Variants in FILIP1L observed in about 807,000 individuals in gnomAD.
FILIP1L encodes filamin A interacting protein 1 like.
A neutral mutation model predicts 96.6 loss-of-function variants in FILIP1L; 55 were observed. The observed-to-expected ratio is 0.57, with a 90% CI of 0.46 to 0.71. FILIP1L has a LOEUF of 0.71. Ranked by LOEUF, FILIP1L falls within the 30% of genes least tolerant of loss-of-function variation. The pLI is 0.00. For missense variants in FILIP1L, 1,304 were observed against 1,321.2 expected (o/e 0.99, Z 0.20); for synonymous variants, 467 against 473.9 (o/e 0.99, Z 0.19).
chr3:99,914,028 A>G (rs1318066033), intron 4 of FILIP1L, among the ~76,000 whole-genome samples: 1 of 152,238 alleles, frequency 6.6e-6, no homozygotes, highest in Admixed American at 6.5e-5. Flanking sequence ...GGAAACTGAT[A>G]AAGAATTCTC....
At chr3:99,920,965 A>G (rs951793058) in intron 4 of FILIP1L, among the ~76,000 whole-genome samples, 2 of 152,184 alleles carry the variant, frequency 1.3e-5, no homozygotes, top group Non-Finnish European at 2.9e-5. Flanking sequence ...TCAGAGTTTC[A>G]ACCAGATACC....
At chr3:99,899,036 A>G (rs181253839) in intron 4 of FILIP1L, among the ~76,000 whole-genome samples, 3 of 152,300 alleles carry the variant, frequency 2.0e-5, no homozygotes, top group Non-Finnish European at 1.5e-5. Context: ...TGAAAAAAAA[A>G]TGTGGTTATT....
intron 4 of FILIP1L, among the ~76,000 whole-genome samples, chr3:99,899,253 A>G (rs1162082522): frequency 6.6e-6 from 1 of 152,224 alleles, no homozygotes; most frequent in Non-Finnish European, 1.5e-5. Flanking sequence ...TATTTTGAAC[A>G]GGACACTTGG....
intron 1 of FILIP1L, among the ~76,000 whole-genome samples, chr3:100,066,519 T>TAAACCACCCAGGGACCAGACCAAC (rs2065667097): frequency 6.9e-5 from 1 of 14,542 alleles, no homozygotes; most frequent in Non-Finnish European, 1.6e-4. Context: ...CTTTGCTTCT[T>TAAACCACCCAGGGACCAGACCAAC]TTTTTTTTTT....
chr3:99,984,540 C>A (rs1454473322), intron 1 of FILIP1L, among the ~76,000 whole-genome samples: 3 of 152,152 alleles, frequency 2.0e-5, no homozygotes, highest in Non-Finnish European at 4.4e-5. Flanking sequence ...AGCCCCTGGT[C>A]ACTGAAACTC....
intron 1 of FILIP1L, among the ~76,000 whole-genome samples, chr3:99,973,065 A>G (rs1708869325): frequency 6.6e-6 from 1 of 152,226 alleles, no homozygotes; most frequent in African/African-American, 2.4e-5. Context: ...GCAGAACTAT[A>G]GGAACAATGG....
intron 1 of FILIP1L, among the ~76,000 whole-genome samples, chr3:100,112,140 C>A (rs1287205375): frequency 1.3e-5 from 2 of 152,180 alleles, no homozygotes; most frequent in Non-Finnish European, 2.9e-5. Context: ...AACAAACTTA[C>A]TGTGTATTGC....
chr3:99,963,680 C>T (rs1435179464), intron 1 of FILIP1L, among the ~76,000 whole-genome samples: 1 of 151,712 alleles, frequency 6.6e-6, no homozygotes, highest in African/African-American at 2.4e-5. Flanking sequence ...GGCGTGATCT[C>T]GGTTCACTGC....
intron 1 of FILIP1L, among the ~76,000 whole-genome samples, chr3:99,976,195 T>C (rs1708966193): frequency 6.6e-6 from 1 of 152,160 alleles, no homozygotes; most frequent in South Asian, 2.1e-4. Flanking sequence ...TTAATAGATA[T>C]AAAGCACTTA....
chr3:100,104,139 T>C (rs2066355728), intron 1 of FILIP1L, among the ~76,000 whole-genome samples: 1 of 152,160 alleles, frequency 6.6e-6, no homozygotes, highest in East Asian at 1.9e-4. Flanking sequence ...GAGCACAGGT[T>C]ACAATGAGAG....
chr3:100,090,142 C>G (rs2066079339), intron 1 of FILIP1L, among the ~76,000 whole-genome samples: 1 of 152,214 alleles, frequency 6.6e-6, no homozygotes, highest in African/African-American at 2.4e-5. Flanking sequence ...GTTCCAAGGG[C>G]AGTCCCTCCC....
intron 1 of FILIP1L, among the ~76,000 whole-genome samples, chr3:100,047,818 C>A (rs2065301090): frequency 1.3e-5 from 2 of 151,944 alleles, no homozygotes; most frequent in South Asian, 4.2e-4. Context: ...CTGCTCTCCC[C>A]AGAAGGCATT....
At chr3:99,948,637 A>C (rs1232972276) in intron 1 of FILIP1L, among the ~76,000 whole-genome samples, 7 of 143,378 alleles carry the variant, frequency 4.9e-5, no homozygotes, top group African/African-American at 1.8e-4. Flanking sequence ...AAGGAGGAGG[A>C]GGAGGGAGAA....
intron 1 of FILIP1L, among the ~76,000 whole-genome samples, chr3:100,018,496 AG>A (rs1286861507): frequency 6.6e-6 from 1 of 152,188 alleles, no homozygotes; most frequent in Non-Finnish European, 1.5e-5. Flanking sequence ...GGAAATGGAT[AG>A]CCACATGCAG....
intron 1 of FILIP1L, among the ~76,000 whole-genome samples, chr3:99,954,710 C>G (rs2107693122): frequency 6.6e-6 from 1 of 152,050 alleles, no homozygotes; most frequent in Non-Finnish European, 1.5e-5. Flanking sequence ...CCTGTAATCC[C>G]AGCTACTCAG....
At chr3:99,995,675 A>G (rs922205783) in intron 1 of FILIP1L, among the ~76,000 whole-genome samples, 8 of 152,196 alleles carry the variant, frequency 5.3e-5, no homozygotes, top group African/African-American at 1.9e-4. Flanking sequence ...ATCTTCTGAC[A>G]TCTAGGCAGA....
At chr3:99,891,749 A>G (rs1706089311) in intron 4 of FILIP1L, among the ~76,000 whole-genome samples, 1 of 152,170 alleles carries the variant, frequency 6.6e-6, no homozygotes, top group Non-Finnish European at 1.5e-5. Flanking sequence ...CCCAGTACAG[A>G]TTTACATCAC....
At chr3:99,991,632 G>A (rs1421731409) in intron 1 of FILIP1L, among the ~76,000 whole-genome samples, 1 of 151,790 alleles carries the variant, frequency 6.6e-6, no homozygotes, top group Non-Finnish European at 1.5e-5. Flanking sequence ...ATTCTCCAGT[G>A]TCTGTTATTC....
intron 4 of FILIP1L, among the ~76,000 whole-genome samples, chr3:99,901,443 T>G (rs1355750990): frequency 6.6e-6 from 1 of 152,210 alleles, no homozygotes; most frequent in African/African-American, 2.4e-5. Context: ...AATTTTCCTG[T>G]CCCTGGAGAA....
Sources: allele counts gnomAD v4.1 joint callset (sites outside exome capture counted in the v4.1 genomes callset), GRCh38; gene constraint gnomAD v4.1.1; transcripts MANE v1.5; gene names NCBI Gene and HGNC (gene_info 2026-07-23, HGNC 2026-07-21).